Variants in QKI observed in about 807,000 individuals in gnomAD.
The protein encoded by QKI is KH domain-containing RNA-binding protein QKI.
In QKI, 10 loss-of-function variants were observed where a neutral mutation model predicts 39.0. That is an observed-to-expected ratio of 0.26 (90% CI 0.16 to 0.43). The LOEUF (loss-of-function observed/expected upper bound fraction) is 0.43. Among genes scored for constraint, QKI ranks in the 20% least tolerant of loss-of-function variants. The pLI is 1.00. For synonymous variants in QKI, 204 were observed against 155.4 expected (o/e 1.31, Z -2.33); for missense variants, 218 against 428.0 (o/e 0.51, Z 4.33).
chr6:163,514,753 T>A (rs1453110972), intron 3 of QKI, among the ~76,000 whole-genome samples: 1 of 152,174 alleles, frequency 6.6e-6, no homozygotes, highest in Non-Finnish European at 1.5e-5. Context: ...CAAAAATAAA[T>A]CTTTTGATGG....
intron 3 of QKI, among the ~76,000 whole-genome samples, chr6:163,498,083 T>G (rs73244786): frequency 0.02 from 3,071 of 150,812 alleles, 103 homozygotes; most frequent in African/African-American, 0.071. Flanking sequence ...AAATAAGTTA[T>G]GGAAAAATAT....
At chr6:163,452,911 A>G (rs1392829055) in intron 1 of QKI, among the ~76,000 whole-genome samples, 2 of 152,092 alleles carry the variant, frequency 1.3e-5, no homozygotes, top group Non-Finnish European at 2.9e-5. Context: ...TATTTTTAGT[A>G]GAGACGGGGT....
intron 3 of QKI, among the ~76,000 whole-genome samples, chr6:163,524,145 G>A (rs1030706194): frequency 3.3e-5 from 5 of 152,078 alleles, no homozygotes; most frequent in South Asian, 2.1e-4. Flanking sequence ...CGTCCTTTAC[G>A]TATCATTTCT....
chr6:163,436,134 T>C (rs918146816), intron 1 of QKI, among the ~76,000 whole-genome samples: 2 of 152,206 alleles, frequency 1.3e-5, no homozygotes, highest in African/African-American at 4.8e-5. Context: ...TTTGTGGCTA[T>C]TGGAAACATT....
At chr6:163,415,827 C>T (rs1255836125) in intron 1 of QKI, 3 of 466,706 alleles carry the variant, frequency 6.4e-6, no homozygotes, top group East Asian at 6.6e-5. Context: ...GGAGCTCTCC[C>T]CTCCCGTGAG....
intron 4 of QKI, among the ~76,000 whole-genome samples, chr6:163,542,798 A>G (rs1370080598): frequency 2.0e-5 from 3 of 152,018 alleles, no homozygotes; most frequent in Non-Finnish European, 4.4e-5. Context: ...ATATACATGG[A>G]GGTCAGTACT....
chr6:163,423,052 C>G (rs1788115536), intron 1 of QKI: 2 of 152,248 alleles, frequency 1.3e-5, no homozygotes, highest in Admixed American at 6.5e-5. Flanking sequence ...AATCCCAGCA[C>G]TTTGGGAGGC....
At chr6:163,507,967 A>G (rs1779203926) in intron 3 of QKI, among the ~76,000 whole-genome samples, 1 of 152,186 alleles carries the variant, frequency 6.6e-6, no homozygotes, top group South Asian at 2.1e-4. Flanking sequence ...TTACAGAGAA[A>G]TAGAAGCAAA....
intron 2 of QKI, among the ~76,000 whole-genome samples, chr6:163,459,475 C>T (rs575493856): frequency 1.3e-5 from 2 of 152,152 alleles, no homozygotes; most frequent in South Asian, 2.1e-4. Context: ...TTACCTGGAC[C>T]CAAATGTCAG....
chr6:163,505,097 G>A (rs1229190623), intron 3 of QKI, among the ~76,000 whole-genome samples: 3 of 152,142 alleles, frequency 2.0e-5, no homozygotes, highest in Non-Finnish European at 4.4e-5. Flanking sequence ...CCCAAGCCTT[G>A]GGAGCTTCCA....
intron 4 of QKI, among the ~76,000 whole-genome samples, chr6:163,539,535 T>TA (rs1781390560): frequency 2.0e-5 from 3 of 152,274 alleles, no homozygotes; most frequent in Admixed American, 6.5e-5. Context: ...GGTAGTTCCT[T>TA]AGACCTTTCC....
intron 7 of QKI, chr6:163,568,206 G>A (rs1398461170): frequency 1.0e-6 from 1 of 983,870 alleles, no homozygotes; most frequent in Admixed American, 6.2e-5. Context: ...TATTCATATT[G>A]CTAATGTCTA....
At chr6:163,491,928 G>A (rs761503210) in intron 3 of QKI, among the ~76,000 whole-genome samples, 1 of 152,190 alleles carries the variant, frequency 6.6e-6, no homozygotes, top group South Asian at 2.1e-4. Flanking sequence ...GAAATGAGAC[G>A]TGAGTCTCAG....
chr6:163,465,641 A>AC (rs1351067655), intron 2 of QKI, among the ~76,000 whole-genome samples: 2 of 151,730 alleles, frequency 1.3e-5, no homozygotes, highest in African/African-American at 4.8e-5. Flanking sequence ...AAAAAAAAAA[A>AC]AAAGTAAAAG....
intron 4 of QKI, among the ~76,000 whole-genome samples, chr6:163,536,623 CTT>C (rs1245747957): frequency 1.3e-5 from 2 of 152,132 alleles, no homozygotes; most frequent in Non-Finnish European, 2.9e-5. Context: ...CCTGTAATCT[CTT>C]GTCTTGCTTA....
chr6:163,523,599 C>T (rs1780292477), intron 3 of QKI, among the ~76,000 whole-genome samples: 1 of 152,086 alleles, frequency 6.6e-6, no homozygotes. Flanking sequence ...TGATAGTATG[C>T]ATATATGTTG....
chr6:163,458,386 T>C (rs1466263808), intron 2 of QKI, among the ~76,000 whole-genome samples: 1 of 152,212 alleles, frequency 6.6e-6, no homozygotes, highest in Non-Finnish European at 1.5e-5. Flanking sequence ...ACAAGCTCTA[T>C]GAGGGCAGGA....
intron 3 of QKI, among the ~76,000 whole-genome samples, chr6:163,488,481 T>C (rs1313758485): frequency 6.6e-6 from 1 of 152,230 alleles, no homozygotes; most frequent in Middle Eastern, 3.2e-3. Flanking sequence ...ATAATGTTTT[T>C]ATTTAATCTT....
intron 1 of QKI, among the ~76,000 whole-genome samples, chr6:163,450,222 C>G (rs1461837633): frequency 6.6e-6 from 1 of 151,814 alleles, no homozygotes; most frequent in Non-Finnish European, 1.5e-5. Context: ...CACACCTGGC[C>G]AATTTTTGTA....
Sources: gnomAD v4.1 joint callset for allele counts (sites outside exome capture counted in the v4.1 genomes callset) on GRCh38, gnomAD v4.1.1 for gene constraint, MANE v1.5 for transcripts, NCBI Gene and HGNC (gene_info 2026-07-23, HGNC 2026-07-21) for gene names.